RTN1: variants seen among roughly 807,000 people sequenced by gnomAD.
RTN1 encodes reticulon-1.
Under a neutral mutation model 65.5 loss-of-function variants are expected in RTN1, and 25 were observed. The ratio of observed to expected loss-of-function variants is 0.38; its 90% CI spans 0.28 to 0.53. The LOEUF is 0.53. RTN1 is among the 20% of genes least tolerant of loss of function. The probability of loss-of-function intolerance (pLI) is 0.79; values close to 1 mark genes in which losing one functional copy is unlikely to be tolerated. For synonymous variants in RTN1, 471 were observed against 447.6 expected, an observed-to-expected ratio of 1.05 and a Z score of -0.66; for missense variants, 983 against 1,025.4, an observed-to-expected ratio of 0.96 and a Z score of 0.57.
intron 3 of RTN1, among the ~76,000 whole-genome samples, chr14:59,689,125 A>C (rs1309193744): frequency 6.6e-6 from 1 of 152,102 alleles, no homozygotes; most frequent in Non-Finnish European, 1.5e-5. Context: ...AAAAACCAGA[A>C]CTTCTATAAT....
chr14:59,713,791 A>G (rs1266098629), intron 3 of RTN1, among the ~76,000 whole-genome samples: 2 of 152,228 alleles, frequency 1.3e-5, no homozygotes, highest in Non-Finnish European at 2.9e-5. Flanking sequence ...GCAATAAAAC[A>G]TCTTGAAGAC....
At chr14:59,679,246 A>C (rs532114084) in intron 3 of RTN1, among the ~76,000 whole-genome samples, 1 of 152,252 alleles carries the variant, frequency 6.6e-6, no homozygotes, top group Admixed American at 6.5e-5. Context: ...GAAGTTGCAC[A>C]GGTGCTCTGA....
chr14:59,731,261 T>A (rs918589815), intron 2 of RTN1, among the ~76,000 whole-genome samples: 1 of 152,188 alleles, frequency 6.6e-6, no homozygotes, highest in Non-Finnish European at 1.5e-5. Context: ...GACCACATAT[T>A]ATGTGAGCCC....
At chr14:59,800,645 C>A (rs1886527616) in intron 1 of RTN1, among the ~76,000 whole-genome samples, 1 of 152,114 alleles carries the variant, frequency 6.6e-6, no homozygotes, top group African/African-American at 2.4e-5. Flanking sequence ...CGTGATCTGC[C>A]CACCTCAGCC....
intron 1 of RTN1, among the ~76,000 whole-genome samples, chr14:59,780,713 G>C (rs559359971): frequency 3.3e-5 from 5 of 152,230 alleles, no homozygotes; most frequent in African/African-American, 1.2e-4. Flanking sequence ...CACAAATAAA[G>C]GACTGAGGAG....
intron 1 of RTN1, among the ~76,000 whole-genome samples, chr14:59,761,800 G>A (rs575259152): frequency 2.6e-5 from 4 of 152,270 alleles, no homozygotes; most frequent in African/African-American, 7.2e-5. Context: ...TTCCTCTGGT[G>A]GTCACAGACC....
intron 3 of RTN1, among the ~76,000 whole-genome samples, chr14:59,609,206 AC>A (rs1421171597): frequency 6.6e-6 from 1 of 151,558 alleles, no homozygotes; most frequent in Non-Finnish European, 1.5e-5. Flanking sequence ...AATCGCTTGA[AC>A]CCAGGAGGCA....
At chr14:59,847,486 T>G (rs193092374) in intron 1 of RTN1, among the ~76,000 whole-genome samples, 5 of 152,262 alleles carry the variant, frequency 3.3e-5, no homozygotes, top group Non-Finnish European at 7.3e-5. Flanking sequence ...TTAAAATTAC[T>G]TGTTAATTTA....
chr14:59,723,417 T>C (rs1049891498), intron 3 of RTN1, among the ~76,000 whole-genome samples: 65 of 151,044 alleles, frequency 4.3e-4, no homozygotes, highest in Admixed American at 1.2e-3. Context: ...CCATCCTGGC[T>C]AACATGGTGA....
At chr14:59,622,637 G>A (rs1010650642) in intron 3 of RTN1, among the ~76,000 whole-genome samples, 1 of 152,050 alleles carries the variant, frequency 6.6e-6, no homozygotes, top group Non-Finnish European at 1.5e-5. Flanking sequence ...ATGTTAACAA[G>A]AAAAAATAGA....
chr14:59,743,450 C>T (rs1261410662), intron 2 of RTN1, among the ~76,000 whole-genome samples: 1 of 152,150 alleles, frequency 6.6e-6, no homozygotes, highest in Non-Finnish European at 1.5e-5. Flanking sequence ...TAACTTACAT[C>T]TTCAGAACAC....
intron 3 of RTN1, among the ~76,000 whole-genome samples, chr14:59,660,018 T>G (rs536308486): frequency 1.3e-5 from 2 of 152,010 alleles, no homozygotes; most frequent in South Asian, 4.1e-4. Flanking sequence ...AAGACACACA[T>G]AAGCTTAAAA....
intron 1 of RTN1, among the ~76,000 whole-genome samples, chr14:59,842,746 C>T (rs1418318567): frequency 2.0e-5 from 3 of 152,180 alleles, no homozygotes; most frequent in Admixed American, 2.0e-4. Flanking sequence ...CATTTTATTA[C>T]ATGTAAATTA....
intron 3 of RTN1, among the ~76,000 whole-genome samples, chr14:59,701,695 G>A (rs929375557): frequency 4.6e-5 from 7 of 152,014 alleles, no homozygotes; most frequent in African/African-American, 1.7e-4. Flanking sequence ...AGAGGGAAGG[G>A]GGAATGAACA....
At chr14:59,709,082 T>C (rs571217426) in intron 3 of RTN1, among the ~76,000 whole-genome samples, 18 of 152,278 alleles carry the variant, frequency 1.2e-4, no homozygotes, top group Middle Eastern at 3.4e-3. Context: ...ATGTTAAGTA[T>C]TTGTTTTGTT....
rs79726696 is a variant in RTN1 at position 59,775,533 on chromosome 14, G to A, written c.242-29052C>T. 6.6e-3 allele frequency among the ~76,000 whole-genome samples: 1,000 copies of A among 152,168 alleles called. 14 individuals are homozygous for A. The highest frequency in any genetic ancestry group is 0.021 in the African/African-American group (865 of 41,528). On this transcript the variant is annotated intron_variant, in intron 1 of 8. Coordinates refer to ENST00000267484, the MANE Select transcript of RTN1 (RefSeq NM_021136.3). ...AACTGCGTACCCTGTGTCATACACC[G>A]TCTAAATCCTCTACAAGTATCAGCT...
intron 3 of RTN1, among the ~76,000 whole-genome samples, chr14:59,639,082 G>T (rs536561300): frequency 6.6e-6 from 1 of 152,316 alleles, no homozygotes; most frequent in South Asian, 2.1e-4. Context: ...CCGAAATACT[G>T]CAGTGTCTGA....
rs1883528228 is a variant in RTN1, at chr14:59,672,539, T to C, written c.1765+54380A>G. ...AAGGTGCTGTCTTTCTCAAGCAGATTGTATGTTTTATTAGATGATGGTTAT... is the reference window on the plus strand; with the variant it reads ...AAGGTGCTGTCTTTCTCAAGCAGATCGTATGTTTTATTAGATGATGGTTAT... On this transcript the variant is annotated intron_variant, in intron 3 of 8. Coordinates refer to ENST00000267484, the MANE Select transcript of RTN1 (RefSeq NM_021136.3). Among the ~76,000 whole-genome samples the C allele has an allele frequency of 2.0e-5, 3 of 152,084 alleles. No individual in the cohort carries two copies. In the South Asian group the frequency reaches 6.2e-4, roughly 32 times the overall value.
At chr14:59,729,085 AC>A (rs1170988274) in intron 2 of RTN1, among the ~76,000 whole-genome samples, 1 of 152,162 alleles carries the variant, frequency 6.6e-6, no homozygotes, top group East Asian at 1.9e-4. Context: ...TGAGAAAGTA[AC>A]CTATATTTAA....
Sources: gnomAD v4.1 joint callset for allele counts (sites outside exome capture counted in the v4.1 genomes callset) on GRCh38, gnomAD v4.1.1 for gene constraint, MANE v1.5 for transcripts, NCBI Gene and HGNC (gene_info 2026-07-23, HGNC 2026-07-21) for gene names.